Variants in CAMK4 observed in about 807,000 individuals in gnomAD.
CAMK4 encodes calcium/calmodulin dependent protein kinase IV, also known as calcium/calmodulin-dependent protein kinase type IV.
CAMK4 carries 22 observed loss-of-function variants against 44.9 expected under a neutral mutation model. The ratio of observed to expected loss-of-function variants is 0.49; its 90% CI spans 0.35 to 0.70. The LOEUF is 0.70. CAMK4 is among the 30% of genes least tolerant of loss of function. The pLI is 0.01. For synonymous variants in CAMK4, 218 were observed against 215.4 expected (o/e 1.01, Z -0.11); for missense variants, 498 against 586.8 (o/e 0.85, Z 1.56).
At chr5:111,307,241 T>A (rs1258857374) in intron 1 of CAMK4, among the ~76,000 whole-genome samples, 1 of 24,240 alleles carries the variant, frequency 4.1e-5, no homozygotes, top group Admixed American at 6.7e-4. Flanking sequence ...AAGCCAAAAT[T>A]GACAAATGGG....
chr5:111,240,325 A>G (rs756145465), intron 1 of CAMK4, among the ~76,000 whole-genome samples: 102 of 152,020 alleles, frequency 6.7e-4, no homozygotes, highest in South Asian at 2.1e-3. Flanking sequence ...AAAAACCCAT[A>G]AGTAGTAAGG....
chr5:111,325,708 C>T (rs1355843723), intron 1 of CAMK4, among the ~76,000 whole-genome samples: 1 of 151,986 alleles, frequency 6.6e-6, no homozygotes, highest in Admixed American at 6.6e-5. Context: ...TATCCTTCGC[C>T]CACTTTTTGA....
chr5:111,261,544 C>G (rs1749975616), intron 1 of CAMK4, among the ~76,000 whole-genome samples: 2 of 149,302 alleles, frequency 1.3e-5, no homozygotes, highest in Non-Finnish European at 2.9e-5. Context: ...TTATAGTTTC[C>G]TTCTCTGACC....
At chr5:111,256,262 A>G (rs560933302) in intron 1 of CAMK4, among the ~76,000 whole-genome samples, 3 of 152,336 alleles carry the variant, frequency 2.0e-5, no homozygotes, top group Admixed American at 2.0e-4. Context: ...AGTCGTTGCC[A>G]GGGATTAGGT....
chr5:111,331,036 A>G (rs1749145751), intron 1 of CAMK4, among the ~76,000 whole-genome samples: 2 of 151,884 alleles, frequency 1.3e-5, no homozygotes, highest in South Asian at 4.1e-4. Context: ...AACTAGGATA[A>G]TATCTTTATG....
chr5:111,481,061 T>A (rs1755419051), intron 9 of CAMK4, among the ~76,000 whole-genome samples: 1 of 152,166 alleles, frequency 6.6e-6, no homozygotes, highest in African/African-American at 2.4e-5. Flanking sequence ...AGGCTTTGAG[T>A]GTGATTATAA....
chr5:111,364,789 A>G (rs899540021), intron 2 of CAMK4, among the ~76,000 whole-genome samples: 2 of 152,050 alleles, frequency 1.3e-5, no homozygotes, highest in Non-Finnish European at 2.9e-5. Context: ...GCTATAAAAT[A>G]TTGGGTTTTA....
At chr5:111,232,471 A>T (rs998819106) in intron 1 of CAMK4, among the ~76,000 whole-genome samples, 1 of 152,104 alleles carries the variant, frequency 6.6e-6, no homozygotes, top group African/African-American at 2.4e-5. Context: ...GGACAGAAAA[A>T]TTCAGGATAT....
intron 6 of CAMK4, among the ~76,000 whole-genome samples, chr5:111,447,257 C>A (rs1247863071): frequency 3.3e-5 from 5 of 152,050 alleles, no homozygotes; most frequent in Admixed American, 2.0e-4. Flanking sequence ...CTGCCTTTCC[C>A]AAAATGCACT....
intron 3 of CAMK4, among the ~76,000 whole-genome samples, chr5:111,375,890 T>C (rs1221550718): frequency 2.0e-5 from 3 of 152,094 alleles, no homozygotes; most frequent in Admixed American, 6.6e-5. Context: ...AGGAAGAAGA[T>C]GGAAGGATCT....
chr5:111,386,082 A>G (rs1751591068), intron 4 of CAMK4, among the ~76,000 whole-genome samples: 1 of 152,104 alleles, frequency 6.6e-6, no homozygotes, highest in Non-Finnish European at 1.5e-5. Flanking sequence ...TATCTTTGAA[A>G]CTACTTTTTT....
intron 1 of CAMK4, among the ~76,000 whole-genome samples, chr5:111,258,512 T>G (rs1402128137): frequency 2.0e-5 from 3 of 151,736 alleles, no homozygotes; most frequent in African/African-American, 7.3e-5. Context: ...AAGAGAAAAA[T>G]GAGGAAGAAG....
At chr5:111,300,976 T>C (rs1411779159) in intron 1 of CAMK4, among the ~76,000 whole-genome samples, 1 of 108,770 alleles carries the variant, frequency 9.2e-6, no homozygotes, top group Non-Finnish European at 2.0e-5. Flanking sequence ...GGGATTTTAT[T>C]TATTATTAAG....
rs1202753143 is a variant in CAMK4 at position 111,476,267 on chromosome 5, G to GTT, written c.702-2113_702-2112insTT. ...TGTGTGTGTGTGTGTGTGTGTGTGTGTGTTTGTGTGTGTGTGTGTGTGTGT... is the reference window on the plus strand; with the variant it reads ...TGTGTGTGTGTGTGTGTGTGTGTGTGTTTGTTTGTGTGTGTGTGTGTGTGTGT... On this transcript the variant is annotated intron_variant, in intron 8 of 10. Transcript: ENST00000282356. Among the ~76,000 whole-genome samples, 519 of 133,454 alleles carry GTT rather than the reference G, an allele frequency of 3.9e-3. 1 individual carries two copies. Among genetic ancestry groups the GTT allele is most frequent in the Non-Finnish European group, 6.1e-3 (373 of 61,588 alleles). 87.6% of individuals were successfully genotyped at this position (133,454 alleles called of 152,430 possible). A position where few individuals can be genotyped will look rare whatever the true frequency, so the allele number is the denominator to read the frequency against.
chr5:111,255,314 T>G (rs765219036), intron 1 of CAMK4, among the ~76,000 whole-genome samples: 1 of 152,194 alleles, frequency 6.6e-6, no homozygotes, highest in African/African-American at 2.4e-5. Context: ...ATGGAAAAAC[T>G]CTTCCCAAGT....
At chr5:111,253,087 T>G (rs1309242950) in intron 1 of CAMK4, among the ~76,000 whole-genome samples, 1 of 152,264 alleles carries the variant, frequency 6.6e-6, no homozygotes, top group African/African-American at 2.4e-5. Context: ...TGGCTTCCGC[T>G]GATTAAATAA....
intron 1 of CAMK4, among the ~76,000 whole-genome samples, chr5:111,273,704 T>TATATATATAC (rs1750626353): frequency 1.9e-5 from 1 of 53,360 alleles, no homozygotes; most frequent in Non-Finnish European, 3.1e-5. Flanking sequence ...TATATATATA[T>TATATATATAC]ATATATATAT....
chr5:111,367,841 G>C (rs1319044694), intron 2 of CAMK4, among the ~76,000 whole-genome samples: 1 of 152,060 alleles, frequency 6.6e-6, no homozygotes, highest in East Asian at 1.9e-4. Context: ...AGGAGTAGTA[G>C]CCTGGTACAA....
At chr5:111,318,419 C>G (rs1284400803) in intron 1 of CAMK4, among the ~76,000 whole-genome samples, 1 of 152,138 alleles carries the variant, frequency 6.6e-6, no homozygotes, top group Non-Finnish European at 1.5e-5. Flanking sequence ...GTATAAGACT[C>G]TCTTAAGACT....
Sources: gnomAD v4.1 joint callset for allele counts (sites outside exome capture counted in the v4.1 genomes callset) on GRCh38, gnomAD v4.1.1 for gene constraint, MANE v1.5 for transcripts, NCBI Gene and HGNC (gene_info 2026-07-23, HGNC 2026-07-21) for gene names.